Variants in TRMT11 observed in about 807,000 individuals in gnomAD.
The protein encoded by TRMT11 is tRNA (guanine(10)-N(2))-methyltransferase TRMT11.
A neutral mutation model predicts 62.8 loss-of-function variants in TRMT11; 53 were observed. The observed-to-expected ratio is 0.84, with a 90% CI of 0.68 to 1.06. TRMT11 has a LOEUF of 1.06. Ranked by LOEUF, TRMT11 falls within the 50% of genes least tolerant of loss-of-function variation. The pLI is 0.00. For synonymous variants in TRMT11, 188 were observed against 190.3 expected (o/e 0.99, Z 0.10); for missense variants, 556 against 553.4 (o/e 1.00, Z -0.05).
At chr6:125,989,704 C>T (rs1329903035) in intron 1 of TRMT11, among the ~76,000 whole-genome samples, 1 of 152,180 alleles carries the variant, frequency 6.6e-6, no homozygotes, top group African/African-American at 2.4e-5. Context: ...GTGTATTACA[C>T]TTGTGCCAGT....
At chr6:126,057,316 T>C (rs1355268652) in intron 17 of TRMT11, among the ~76,000 whole-genome samples, 1 of 152,254 alleles carries the variant, frequency 6.6e-6, no homozygotes, top group African/African-American at 2.4e-5. Flanking sequence ...AATTCTTATG[T>C]CTTAGGTTAT....
chr6:126,070,546 G>A (rs1035356729), intron 17 of TRMT11, among the ~76,000 whole-genome samples: 6 of 152,180 alleles, frequency 3.9e-5, no homozygotes, highest in African/African-American at 1.2e-4. Flanking sequence ...GAATCATCCC[G>A]TTAGTGGGAG....
At chr6:126,148,609 A>G (rs927872269) in intron 21 of TRMT11, among the ~76,000 whole-genome samples, 30 of 152,294 alleles carry the variant, frequency 2.0e-4, no homozygotes, top group African/African-American at 7.2e-4. Context: ...TCCCCCCTTT[A>G]AAGTAAAACT....
the TRMT11 span, among the ~76,000 whole-genome samples, chr6:126,249,848 G>T: frequency 6.6e-6 from 1 of 152,204 alleles, no homozygotes; most frequent in East Asian, 1.9e-4. Flanking sequence ...GTTTGTAACT[G>T]ATTATCAGAA....
intron 21 of TRMT11, among the ~76,000 whole-genome samples, chr6:126,155,544 T>C (rs534075487): frequency 6.6e-6 from 1 of 152,252 alleles, no homozygotes; most frequent in South Asian, 2.1e-4. Flanking sequence ...GTCCTAAGTC[T>C]CATCTGAGAC....
intron 21 of TRMT11, among the ~76,000 whole-genome samples, chr6:126,129,253 C>T (rs1288698746): frequency 6.6e-6 from 1 of 152,104 alleles, no homozygotes; most frequent in Non-Finnish European, 1.5e-5. Context: ...TACTTCACCT[C>T]TGTGTGGCTC....
At chr6:126,250,592 T>A in the TRMT11 span, among the ~76,000 whole-genome samples, 1 of 152,122 alleles carries the variant, frequency 6.6e-6, no homozygotes, top group Non-Finnish European at 1.5e-5. Flanking sequence ...TCAAAAACAT[T>A]TTCTTGGAGG....
intron 1 of TRMT11, among the ~76,000 whole-genome samples, chr6:126,195,494 G>A (rs1778655281): frequency 1.3e-5 from 2 of 152,196 alleles, no homozygotes; most frequent in African/African-American, 2.4e-5. Context: ...AAAAGGAAAA[G>A]TGTAAAAACC....
intron 17 of TRMT11, among the ~76,000 whole-genome samples, chr6:126,069,357 T>C (rs550330177): frequency 1.3e-5 from 2 of 152,396 alleles, no homozygotes; most frequent in African/African-American, 4.8e-5. Context: ...GTCTATTGAC[T>C]GTGCCCTGCA....
chr6:126,247,500 ATCTC>A, the TRMT11 span, among the ~76,000 whole-genome samples: 3 of 137,566 alleles, frequency 2.2e-5, no homozygotes, highest in African/African-American at 2.8e-5. Context: ...TAAAATACCT[ATCTC>A]TCTCTATATA....
chr6:126,080,280 TA>T (rs1777134311), intron 17 of TRMT11, among the ~76,000 whole-genome samples: 1 of 151,984 alleles, frequency 6.6e-6, no homozygotes, highest in Non-Finnish European at 1.5e-5. Context: ...TTTTTTGTCT[TA>T]ATGTTTTTTG....
At chr6:126,095,344 T>C (rs1195334542) in intron 17 of TRMT11, among the ~76,000 whole-genome samples, 1 of 152,140 alleles carries the variant, frequency 6.6e-6, no homozygotes, top group African/African-American at 2.4e-5. Flanking sequence ...AGTTGAATTA[T>C]TTGTAGGAAT....
chr6:126,262,038 G>C, the TRMT11 span, among the ~76,000 whole-genome samples: 1 of 152,222 alleles, frequency 6.6e-6, no homozygotes, highest in Admixed American at 6.5e-5. Context: ...TCTGCCTGTA[G>C]AGGCAGCATT....
intron 16 of TRMT11, among the ~76,000 whole-genome samples, chr6:126,053,094 G>A (rs921990855): frequency 1.3e-5 from 2 of 151,974 alleles, no homozygotes; most frequent in Non-Finnish European, 2.9e-5. Flanking sequence ...GTTCATCTCT[G>A]TGTCCTTTTT....
chr6:126,039,738 G>C (rs1346822585), downstream of TRMT11, among the ~76,000 whole-genome samples: 1 of 151,958 alleles, frequency 6.6e-6, no homozygotes, highest in Non-Finnish European at 1.5e-5. Context: ...TCTTGCCTTT[G>C]GTGGTCAAAT....
chr6:126,051,390 T>A (rs1257131515), intron 16 of TRMT11, among the ~76,000 whole-genome samples: 1 of 152,102 alleles, frequency 6.6e-6, no homozygotes, highest in Non-Finnish European at 1.5e-5. Context: ...ATCAACAATA[T>A]AAAGTCAGAG....
chr6:126,082,381 T>C (rs1251290331), intron 17 of TRMT11, among the ~76,000 whole-genome samples: 1 of 152,054 alleles, frequency 6.6e-6, no homozygotes, highest in South Asian at 2.1e-4. Context: ...TATATTACAA[T>C]GTAATATCAA....
At chr6:126,056,083 T>A (rs149535001) in intron 17 of TRMT11, among the ~76,000 whole-genome samples, 1 of 152,224 alleles carries the variant, frequency 6.6e-6, no homozygotes, top group East Asian at 1.9e-4. Context: ...AGGAGTAAGA[T>A]GTCCCTTCCC....
intron 5 of TRMT11, 66 bp downstream of exon 5, chr6:125,998,381 G>A (rs909687573): frequency 5.4e-6 from 7 of 1,286,256 alleles, no homozygotes; most frequent in Non-Finnish European, 7.7e-6. Flanking sequence ...TTGATATATA[G>A]GAATACCTAA....
Sources: gnomAD v4.1 joint callset for allele counts (sites outside exome capture counted in the v4.1 genomes callset) on GRCh38, gnomAD v4.1.1 for gene constraint, MANE v1.5 for transcripts, NCBI Gene and HGNC (gene_info 2026-07-23, HGNC 2026-07-21) for gene names.